The following GALNTL5 variants were observed in gnomAD, a reference collection of about 807,000 sequenced individuals.
The protein encoded by GALNTL5 is inactive polypeptide N-acetylgalactosaminyltransferase-like protein 5.
A neutral mutation model predicts 51.0 loss-of-function variants in GALNTL5; 44 were observed. The observed-to-expected ratio is 0.86, with a 90% CI of 0.68 to 1.11. GALNTL5 has a LOEUF of 1.11. Among genes scored for constraint, GALNTL5 ranks in the 50% least tolerant of loss-of-function variants. GALNTL5 has a pLI of 0.00. For synonymous variants in GALNTL5, 192 were observed against 182.8 expected (o/e 1.05, Z -0.41); for missense variants, 528 against 531.8 (o/e 0.99, Z 0.07).
chr7:151,982,973 C>T lies in GALNTL5; in HGVS notation c.369-13C>T. Reference sequence around the variant, plus strand: ...TAGATGGATGGTTTTCTTCATATTGCTTCTGCCTGCAGGTGTCTTCAAAAA... The same window carrying T: ...TAGATGGATGGTTTTCTTCATATTGTTTCTGCCTGCAGGTGTCTTCAAAAA... On this transcript the variant is annotated splice_polypyrimidine_tract_variant and intron_variant, in intron 3 of 8. Coordinates refer to ENST00000392800, the MANE Select transcript of GALNTL5 (RefSeq NM_145292.4). 6.2e-7 allele frequency: 1 copy of T among 1,614,026 alleles called. No homozygotes were observed. Among genetic ancestry groups the T allele is most frequent in the Non-Finnish European group, 8.5e-7 (1 of 1,179,970 alleles).
Position 151,987,208 on chromosome 7 carries a change from G to A in GALNTL5, c.585G>A (p.Lys195=). The part of the protein sequence containing the change: ...LDYHLETFRG[K]VKIIRNKKRE... ...ATCACCTGGAAACTTTTCGGGGAAA[G>A]GTTAAAATAATAAGAAACAAAAAGA... The change falls in exon 5 of 9, where the codon AAG becomes AAA. Residue 195 remains lysine, a synonymous_variant. Transcript: ENST00000392800. 1 of 1,597,880 alleles carries A rather than the reference G, an allele frequency of 6.3e-7. No homozygotes were observed. Among genetic ancestry groups the A allele is most frequent in the Non-Finnish European group, 8.5e-7 (1 of 1,174,976 alleles).
intron 1 of GALNTL5, among the ~76,000 whole-genome samples, chr7:151,959,216 G>C (rs73161825): frequency 0.22 from 33,785 of 151,170 alleles, 4,282 homozygotes; most frequent in Admixed American, 0.32. Context: ...TATTACATTT[G>C]GTTGTCTCCC....
intron 3 of GALNTL5, among the ~76,000 whole-genome samples, chr7:151,980,153 G>A (rs1306922950): frequency 2.0e-5 from 3 of 152,058 alleles, no homozygotes; most frequent in Non-Finnish European, 1.5e-5. Context: ...GCGCCATCTT[G>A]GCTCACTGCA....
intron 1 of GALNTL5, among the ~76,000 whole-genome samples, chr7:151,958,821 A>G (rs2080957915): frequency 6.6e-6 from 1 of 152,188 alleles, no homozygotes; most frequent in African/African-American, 2.4e-5. Flanking sequence ...AGCAAGGCAG[A>G]GAAGGGTTTT....
At chr7:151,971,098 G>GATAGATAC in intron 3 of GALNTL5, 33 bp downstream of exon 3, 1 of 960,676 alleles carries the variant, frequency 1.0e-6, no homozygotes, top group Non-Finnish European at 1.6e-6. Flanking sequence ...TCATTCTCTA[G>GATAGATAC]ATAGATAGAT....
At chr7:151,968,019 G>C (rs1046925691) in intron 2 of GALNTL5, among the ~76,000 whole-genome samples, 1 of 152,186 alleles carries the variant, frequency 6.6e-6, no homozygotes, top group African/African-American at 2.4e-5. Context: ...AGTTTTGCCA[G>C]GCATGGTGGC....
intron 1 of GALNTL5, among the ~76,000 whole-genome samples, chr7:151,958,405 A>G (rs2080951072): frequency 6.6e-6 from 1 of 152,240 alleles, no homozygotes; most frequent in Admixed American, 6.5e-5. Context: ...CAACCGCCAC[A>G]GAGCCCCAAG....
At chr7:152,004,435 T>A (rs1344361863) in intron 6 of GALNTL5, among the ~76,000 whole-genome samples, 1 of 151,748 alleles carries the variant, frequency 6.6e-6, no homozygotes, top group African/African-American at 2.4e-5. Flanking sequence ...AAAATAAATT[T>A]TATTTTGTTA....
chr7:151,986,190 G>A (rs2081357459), intron 4 of GALNTL5, among the ~76,000 whole-genome samples: 1 of 152,132 alleles, frequency 6.6e-6, no homozygotes, highest in Non-Finnish European at 1.5e-5. Context: ...AGACTCTCGT[G>A]GTTCGATAAC....
At chr7:151,996,894 A>G (rs1395737951) in intron 5 of GALNTL5, among the ~76,000 whole-genome samples, 3 of 152,228 alleles carry the variant, frequency 2.0e-5, no homozygotes, top group African/African-American at 7.2e-5. Context: ...ATATATAATG[A>G]GTTACGTTTA....
At chr7:152,003,151 G>A (rs867532724) in intron 6 of GALNTL5, among the ~76,000 whole-genome samples, 188 bp downstream of exon 6, 3 of 152,130 alleles carry the variant, frequency 2.0e-5, no homozygotes, top group Non-Finnish European at 2.9e-5. Context: ...AATATATAAC[G>A]TGATATGATA....
At chr7:151,991,520 G>T (rs1352520158) in intron 5 of GALNTL5, among the ~76,000 whole-genome samples, 2 of 152,136 alleles carry the variant, frequency 1.3e-5, no homozygotes, top group African/African-American at 4.8e-5. Flanking sequence ...TTTTCAGAAT[G>T]AATAGCCAGT....
chr7:151,996,757 A>T (rs891997906), intron 5 of GALNTL5, among the ~76,000 whole-genome samples: 1 of 151,856 alleles, frequency 6.6e-6, no homozygotes, highest in Non-Finnish European at 1.5e-5. Flanking sequence ...TCACAAAACA[A>T]ATTAAAACAA....
At chr7:151,994,388 G>T (rs1018248339) in intron 5 of GALNTL5, among the ~76,000 whole-genome samples, 2 of 152,040 alleles carry the variant, frequency 1.3e-5, no homozygotes, top group Non-Finnish European at 2.9e-5. Flanking sequence ...GTTCATGTGC[G>T]CACACTCCTT....
At chr7:151,999,339 T>C (rs6945967) in intron 5 of GALNTL5, among the ~76,000 whole-genome samples, 93,238 of 152,024 alleles carry the variant, frequency 0.61, 29,028 homozygotes, top group East Asian at 0.88. Flanking sequence ...CATGCACATA[T>C]ATACATTTGT....
rs574769614 is a variant in GALNTL5 at position 151,983,594 on chromosome 7, G to A, written c.535+442G>A. Among the ~76,000 whole-genome samples, 6 of 152,260 alleles carry A rather than the reference G, an allele frequency of 3.9e-5. No individual in the cohort carries two copies. The South Asian group carries it at 1.2e-3, about 32-fold the overall frequency. Reference sequence around the variant, plus strand: ...GCACTAGGGGCTCTTGGTATATGGTGGACATGTGAGACCTGGGCCCTGTAC... The same window carrying A: ...GCACTAGGGGCTCTTGGTATATGGTAGACATGTGAGACCTGGGCCCTGTAC... On this transcript the variant is annotated intron_variant, in intron 4 of 8. Transcript: ENST00000392800.
chr7:151,970,926 T>C lies in GALNTL5; in HGVS notation c.248-19T>C. On this transcript the variant is annotated intron_variant, in intron 2 of 8. Coordinates refer to ENST00000392800, the MANE Select transcript of GALNTL5 (RefSeq NM_145292.4). ...TAGTAAGCCTTTACTTATATGATTCTAATTACATTTTCTTGCAGGTACAGA... is the reference window on the plus strand; with the variant it reads ...TAGTAAGCCTTTACTTATATGATTCCAATTACATTTTCTTGCAGGTACAGA... 6.3e-7 allele frequency: 1 copy of C among 1,581,900 alleles called. No homozygotes were observed. The highest frequency in any genetic ancestry group is 8.6e-7 in the Non-Finnish European group (1 of 1,158,154).
chr7:151,974,086 TA>T (rs1180052935), intron 3 of GALNTL5, among the ~76,000 whole-genome samples: 1 of 152,198 alleles, frequency 6.6e-6, no homozygotes, highest in Non-Finnish European at 1.5e-5. Flanking sequence ...TGTGGTCAAT[TA>T]AACCTCTTTT....
At chr7:152,005,268 C>T (rs2081629541) in intron 6 of GALNTL5, among the ~76,000 whole-genome samples, 1 of 152,076 alleles carries the variant, frequency 6.6e-6, no homozygotes, top group Non-Finnish European at 1.5e-5. Context: ...AGGGCTTAAG[C>T]CAATGATAAC....
Sources: gnomAD v4.1 joint callset for allele counts (sites outside exome capture counted in the v4.1 genomes callset) on GRCh38, gnomAD v4.1.1 for gene constraint, MANE v1.5 for transcripts, NCBI Gene and HGNC (gene_info 2026-07-23, HGNC 2026-07-21) for gene names.